Variants in SHOC1 observed in about 807,000 individuals in gnomAD.
SHOC1 encodes the protein shortage in chiasmata 1, also known as protein shortage in chiasmata 1 ortholog.
Under a neutral mutation model 179.2 loss-of-function variants are expected in SHOC1, and 136 were observed. The observed-to-expected ratio is 0.76, with a 90% CI of 0.66 to 0.87. The LOEUF (loss-of-function observed/expected upper bound fraction) is 0.87. Ranked by LOEUF, SHOC1 falls within the 40% of genes least tolerant of loss-of-function variation. SHOC1 has a pLI of 0.00. For synonymous variants in SHOC1, 489 were observed against 586.6 expected (o/e 0.83, Z 2.41); for missense variants, 1,538 against 1,700.8 (o/e 0.90, Z 1.68).
At chr9:111,693,230 C>T (rs1367339437) in intron 26 of SHOC1, among the ~76,000 whole-genome samples, 1 of 151,410 alleles carries the variant, frequency 6.6e-6, no homozygotes, top group African/African-American at 2.4e-5. Flanking sequence ...TGCTTGAACC[C>T]AGGAGCTGGA....
intron 5 of SHOC1, among the ~76,000 whole-genome samples, chr9:111,763,146 A>T (rs2131583188): frequency 6.6e-6 from 1 of 151,984 alleles, no homozygotes; most frequent in East Asian, 1.9e-4. Flanking sequence ...TATAAAAAAT[A>T]AATGATATAT....
At chr9:111,783,152 A>T (rs1836136489) in intron 3 of SHOC1, among the ~76,000 whole-genome samples, 1 of 152,218 alleles carries the variant, frequency 6.6e-6, no homozygotes, top group African/African-American at 2.4e-5. Context: ...AACAAAAAAG[A>T]ATAACTCTTT....
intron 1 of SHOC1, among the ~76,000 whole-genome samples, chr9:111,792,366 G>A (rs1471834712): frequency 6.6e-6 from 1 of 151,746 alleles, no homozygotes; most frequent in Non-Finnish European, 1.5e-5. Flanking sequence ...TGGATCACTT[G>A]AGGCCAAGAG....
intron 12 of SHOC1, among the ~76,000 whole-genome samples, chr9:111,728,666 G>A (rs995857593): frequency 6.6e-6 from 1 of 152,202 alleles, no homozygotes; most frequent in Non-Finnish European, 1.5e-5. Context: ...TTCCAGAGCT[G>A]AGTAAAATGG....
At position 111,722,509 on chromosome 9, in the gene SHOC1, G is replaced by C. The variant is rs1357140535; in HGVS notation, c.2031C>G (p.Thr677=). The change falls in exon 15 of 28, where the codon ACC becomes ACG. Residue 677 remains threonine, a synonymous_variant. Transcript: ENST00000682961. ...CAAATTTCCAATTAGCAGTAGGGAG[G>C]GTACACAAGGATACAAGGTTTTTTA... The part of the protein sequence containing the change: ...PILKNLVSLC[T]LPTANWKFAT... 3 of 1,612,128 alleles carry C rather than the reference G, an allele frequency of 1.9e-6. No individual in the cohort carries two copies. The highest frequency in any genetic ancestry group is 2.7e-5 in the African/African-American group (2 of 74,812).
In SHOC1 at chr9:111,786,002, A is replaced by G; in HGVS notation, c.79T>C (p.Leu27=). ...AAACATGAAGGGATTCGAAGCAATA[A>G]AGCATCTCTGTAAAACTTCTTTCTA... ...VVRKKFYRDA[L]LLRIPSCLYQ... Residue 27 remains leucine, a synonymous_variant, in exon 3 of 28, where the codon TTA becomes CTA. Transcript: ENST00000682961. 1 of 1,518,106 alleles carries G rather than the reference A, an allele frequency of 6.6e-7. No individual in the cohort carries two copies. The allele number at this position is 1,518,106 out of a possible 1,614,324, so 94.0% of individuals were successfully genotyped here.
At position 111,718,201 on chromosome 9, in the gene SHOC1, C is replaced by T. The variant is rs370722323; in HGVS notation, c.2219G>A (p.Ser740Asn). 171 of 1,595,534 alleles carry T rather than the reference C, an allele frequency of 1.1e-4. No homozygotes were observed. Among genetic ancestry groups the T allele is most frequent in the Non-Finnish European group, 1.4e-4 (160 of 1,173,564 alleles). Reference sequence around the variant, plus strand: ...CCACCAACCCAATGCTGTGTCCAAGCTGCATGTTAAAAGGACATCTCTAAT... The same window carrying T: ...CCACCAACCCAATGCTGTGTCCAAGTTGCATGTTAAAAGGACATCTCTAAT... ...VTIRDVLLTCSLDTALGYLSK... is the reference protein window; with the variant it reads ...VTIRDVLLTCNLDTALGYLSK... The change falls in exon 16 of 28, where the codon AGC becomes AAC. Residue 740 changes from serine (S) to asparagine (N), a missense_variant. Ser to Asn is a conservative substitution (Grantham distance 46). Transcript: ENST00000682961.
chr9:111,764,150 G>A (rs1229398731), intron 5 of SHOC1, among the ~76,000 whole-genome samples: 1 of 152,136 alleles, frequency 6.6e-6, no homozygotes, highest in Admixed American at 6.6e-5. Context: ...TTTGTCCACT[G>A]TTTCCACACT....
rs370763421 is a variant in SHOC1 at position 111,745,284 on chromosome 9, T to C, written c.1079+950A>G. Among the ~76,000 whole-genome samples, 29 of 152,334 alleles carry C rather than the reference T, an allele frequency of 1.9e-4. No individual in the cohort carries two copies. The South Asian group carries it at 3.9e-3, about 21-fold the overall frequency. ...TTTAGTAGACCTCTTAACAACCTTA[T>C]AGATACTATTATTATCCCAGTATTG... On this transcript the variant is annotated intron_variant, in intron 10 of 27. Coordinates refer to ENST00000682961, the MANE Select transcript of SHOC1 (RefSeq NM_001378211.1).
chr9:111,759,286 C>A lies in SHOC1; in HGVS notation c.443-438G>T. 6 of 1,612,126 alleles carry A rather than the reference C, an allele frequency of 3.7e-6. 1 individual carries two copies. The African/African-American group carries it at 4.0e-5, about 11-fold the overall frequency. On this transcript the variant is annotated intron_variant, in intron 5 of 27. Coordinates refer to ENST00000682961, the MANE Select transcript of SHOC1 (RefSeq NM_001378211.1). ...CCAATTCATCCCCCAGAGTCTCTGA[C>A]ATGTAGGGAATGGAGATGGTCTACA...
At chr9:111,749,969 G>C (rs989223471) in intron 8 of SHOC1, among the ~76,000 whole-genome samples, 1 of 152,114 alleles carries the variant, frequency 6.6e-6, no homozygotes, top group Non-Finnish European at 1.5e-5. Context: ...ATTGTGAATA[G>C]TGCTGCAATG....
intron 27 of SHOC1, among the ~76,000 whole-genome samples, chr9:111,687,394 C>T (rs912805069): frequency 1.3e-5 from 2 of 152,024 alleles, no homozygotes; most frequent in South Asian, 4.1e-4. Flanking sequence ...CCTAATGGCC[C>T]GGTATTAAAA....
chr9:111,791,703 A>G (rs1307944918), intron 1 of SHOC1, among the ~76,000 whole-genome samples: 1 of 152,204 alleles, frequency 6.6e-6, no homozygotes, highest in Non-Finnish European at 1.5e-5. Context: ...ATTTAATGTG[A>G]TCATTTTGTT....
chr9:111,700,071 T>C (rs1831896845), intron 23 of SHOC1, 24 bp from the exon 24 acceptor site: 2 of 1,110,944 alleles, frequency 1.8e-6, no homozygotes, highest in East Asian at 4.8e-5. Context: ...TATTACTATA[T>C]TTCTATTCAT....
In SHOC1 at chr9:111,748,444, A is replaced by G. The variant is rs142282479; in HGVS notation, c.863-245T>C. Among the ~76,000 whole-genome samples the G allele has an allele frequency of 3.0e-3, 450 of 152,308 alleles. 3 individuals are homozygous for G. Among genetic ancestry groups the G allele is most frequent in the Admixed American group, 6.3e-3 (97 of 15,298 alleles). On this transcript the variant is annotated intron_variant, in intron 8 of 27. Transcript: ENST00000682961. ...TCAGAATTACCCAAGGAAAATAAAA[A>G]TGGCAAAATCTACATAATCACTGGA...
chr9:111,763,406 AT>A (rs1438406083), intron 5 of SHOC1, among the ~76,000 whole-genome samples: 1 of 152,136 alleles, frequency 6.6e-6, no homozygotes, highest in Non-Finnish European at 1.5e-5. Flanking sequence ...TGGAAGAAAA[AT>A]ATCATTAAAA....
chr9:111,722,946 C>T (rs747146964), intron 14 of SHOC1, among the ~76,000 whole-genome samples: 40 of 152,078 alleles, frequency 2.6e-4, no homozygotes, highest in Non-Finnish European at 4.7e-4. Flanking sequence ...GGACTATAGG[C>T]GTGCACCACC....
At chr9:111,700,195 T>A in intron 23 of SHOC1, 148 bp from the exon 24 acceptor site, 1 of 474,602 alleles carries the variant, frequency 2.1e-6, no homozygotes, top group South Asian at 4.3e-5. Flanking sequence ...GGTTTTTTTT[T>A]CCACTCTGTA....
chr9:111,699,862 G>T, intron 24 of SHOC1, 92 bp downstream of exon 24: 2 of 668,030 alleles, frequency 3.0e-6, no homozygotes, highest in South Asian at 2.2e-5. Context: ...TAATTCATTT[G>T]CTTAACACTT....
Sources: allele counts gnomAD v4.1 joint callset (sites outside exome capture counted in the v4.1 genomes callset), GRCh38; gene constraint gnomAD v4.1.1; transcripts MANE v1.5; gene names NCBI Gene and HGNC (gene_info 2026-07-23, HGNC 2026-07-21).